Variants in KRT78 observed in about 807,000 individuals in gnomAD.
KRT78 encodes keratin, type II cytoskeletal 78.
KRT78 carries 55 observed loss-of-function variants against 51.4 expected under a neutral mutation model. The ratio of observed to expected loss-of-function variants is 1.07; its 90% CI spans 0.86 to 1.34. The LOEUF is 1.34. Ranked by LOEUF, KRT78 falls within the 40% of genes most tolerant of loss-of-function variation. KRT78 has a pLI of 0.00. For missense variants in KRT78, 652 were observed against 649.4 expected (o/e 1.00, Z -0.04); for synonymous variants, 291 against 264.3 (o/e 1.10, Z -0.98).
rs548010577 is a variant in KRT78, at chr12:52,848,836, C to T, written c.95G>A (p.Ser32Asn). The change falls in exon 1 of 9, where the codon AGC becomes AAC. Residue 32 changes from serine to asparagine, a missense_variant. Physicochemically the swap from Ser to Asn is conservative, Grantham distance 46. Transcript: ENST00000304620. Reference protein sequence around the residue: ...SRGRSRGGFSSRGGFSSRSLN... With the variant: ...SRGRSRGGFSNRGGFSSRSLN... Reference sequence around the variant, plus strand: ...GCTCCTGCTGCTGAAGCCGCCCCTGCTGCTGAAGCCTCCCCTGCTGCGGCC... The same window carrying T: ...GCTCCTGCTGCTGAAGCCGCCCCTGTTGCTGAAGCCTCCCCTGCTGCGGCC... The T allele has an allele frequency of 6.2e-7, 1 of 1,613,526 alleles. No individual in the cohort carries two copies. The highest frequency in any genetic ancestry group is 1.3e-5 in the African/African-American group (1 of 75,036).
intron 8 of KRT78, 30 bp downstream of exon 8, chr12:52,839,423 A>T: frequency 6.2e-7 from 1 of 1,610,726 alleles, no homozygotes; most frequent in Non-Finnish European, 8.5e-7. Context: ...CCCCATGGGG[A>T]TCCCATCCCT....
chr12:52,839,849 C>T lies in KRT78; in HGVS notation c.1183G>A (p.Glu395Lys), dbSNP rs772065929. Residue 395 changes from glutamate to lysine, a missense_variant, in exon 7 of 9, where the codon GAG (glutamate) becomes AAG (lysine). Transcript: ENST00000304620. ...TTCGTGCTCGTCAGCTCCTGGTACT[C>T]GCACAGCAGCCGGGCCAGGTTCTGC... is the stretch of plus-strand genomic sequence containing the variant. Reference protein sequence around the residue: ...AKQNLARLLCEYQELTSTKLS... With the variant: ...AKQNLARLLCKYQELTSTKLS... 22 of 1,613,930 alleles carry T rather than the reference C, an allele frequency of 1.4e-5. No homozygotes were observed. The highest frequency in any genetic ancestry group is 1.3e-4 in the Admixed American group (8 of 59,974).
In KRT78 at chr12:52,844,666, T is replaced by C; in HGVS notation, c.814A>G (p.Asn272Asp). The C allele has an allele frequency of 6.2e-7, 1 of 1,614,080 alleles. No homozygotes were observed. The highest frequency in any genetic ancestry group is 1.1e-5 in the South Asian group (1 of 91,068). Residue 272 changes from asparagine to aspartate, a missense_variant, in exon 5 of 9, where the codon AAC (asparagine) becomes GAC (aspartate). By Grantham distance (23) the Asn-to-Asp change is conservative (BLOSUM62 1). Transcript: ENST00000304620. ...CTGCTGAAGTCCAGGTAGCGGTTGT[T>C]GTCCATGGACAGCACCACAGACGTG... is the stretch of plus-strand genomic sequence containing the variant. Reference protein sequence around the residue: ...SDTSVVLSMDNNRYLDFSSII... With the variant: ...SDTSVVLSMDDNRYLDFSSII...
rs750724550 is a variant in KRT78 at position 52,848,627 on chromosome 12, G to C, written c.304C>G (p.Pro102Ala). The C allele has an allele frequency of 6.2e-7, 1 of 1,614,036 alleles. No homozygotes were observed. The highest frequency in any genetic ancestry group is 8.5e-7 in the Non-Finnish European group (1 of 1,179,982). Residue 102 changes from proline (P) to alanine (A), a missense_variant, in exon 1 of 9, where the codon CCC becomes GCC. By Grantham distance (27) the Pro-to-Ala change is conservative. Transcript: ENST00000304620. ...TGCGTCCGCACCACCTGGAACTGGGGATCGATCTCAATCTTCAGTGGGGTC... is the reference window on the plus strand; with the variant it reads ...TGCGTCCGCACCACCTGGAACTGGGCATCGATCTCAATCTTCAGTGGGGTC... The part of the protein sequence containing the change: ...LLTPLKIEID[P>A]QFQVVRTQET...
intron 5 of KRT78, 81 bp from the exon 6 acceptor site, chr12:52,844,299 C>G (rs1355920536): frequency 6.8e-7 from 1 of 1,476,154 alleles, no homozygotes; most frequent in Non-Finnish European, 9.1e-7. Context: ...AAAGCCACCT[C>G]TCACTCCTTA....
chr12:52,844,998 C>T (rs1037754571), intron 4 of KRT78, among the ~76,000 whole-genome samples: 6 of 151,538 alleles, frequency 4.0e-5, no homozygotes, highest in Non-Finnish European at 8.8e-5. Flanking sequence ...ACTCCTCAGG[C>T]CTCTTTTTTT....
chr12:52,848,173 A>T, intron 1 of KRT78, 52 bp from the exon 2 acceptor site: 1 of 1,591,718 alleles, frequency 6.3e-7, no homozygotes, highest in Middle Eastern at 1.7e-4. Flanking sequence ...CCCTGTGCAC[A>T]GCCTCTGGAA....
At chr12:52,847,123 A>C (rs1565701360) in intron 2 of KRT78, among the ~76,000 whole-genome samples, 1 of 152,170 alleles carries the variant, frequency 6.6e-6, no homozygotes, top group African/African-American at 2.4e-5. Flanking sequence ...GGGTTTTATC[A>C]GAGAGATTAG....
In KRT78 at chr12:52,839,091, AAGG is replaced by A; in HGVS notation, c.*19_*21del. ...GGGGAGTGGGCCAAATGTGTTCAGG[AAGG>A]AGGTGGCTGCTGGGTCGCTCAGTAG... On this transcript the variant is annotated 3_prime_UTR_variant, in exon 9 of 9. Coordinates refer to ENST00000304620, the MANE Select transcript of KRT78 (RefSeq NM_173352.4). 3 of 1,605,886 alleles carry A rather than the reference AAGG, an allele frequency of 1.9e-6. No individual in the cohort carries two copies. The highest frequency in any genetic ancestry group is 2.5e-6 in the Non-Finnish European group (3 of 1,177,124).
rs745807524 is a variant in KRT78 at position 52,838,857 on chromosome 12, G to T, written c.*256C>A. 3.7e-6 allele frequency: 2 copies of T among 546,694 alleles called. No homozygotes were observed. The highest frequency in any genetic ancestry group is 6.6e-6 in the Non-Finnish European group (2 of 304,986). The allele number at this position is 546,694 out of a possible 1,614,324, so 33.9% of individuals were successfully genotyped here. The stretch of plus-strand genomic sequence containing the variant: ...GTGGAGTGAGATACCAATAGAACAC[G>T]TCTGGACACAGATATGCCACAATTG... On this transcript the variant is annotated 3_prime_UTR_variant, in exon 9 of 9. Transcript: ENST00000304620.
In KRT78 at chr12:52,838,902, T is replaced by A; in HGVS notation, c.*211A>T. 1 of 608,716 alleles carries A rather than the reference T, an allele frequency of 1.6e-6. No individual in the cohort carries two copies. The highest frequency in any genetic ancestry group is 2.9e-6 in the Non-Finnish European group (1 of 348,478). 37.7% of individuals were successfully genotyped at this position (608,716 alleles called of 1,614,324 possible). On this transcript the variant is annotated 3_prime_UTR_variant, in exon 9 of 9. Coordinates refer to ENST00000304620, the MANE Select transcript of KRT78 (RefSeq NM_173352.4). ...CAATTGCCTTCCGAGGAGAGGAAGC[T>A]GGGGAGCCACACAGCTTTTGTTTTG...
chr12:52,842,935 GAA>G (rs1491404866), intron 6 of KRT78, among the ~76,000 whole-genome samples: 8 of 113,016 alleles, frequency 7.1e-5, no homozygotes, highest in South Asian at 2.7e-4. Context: ...AGGAAAGAAA[GAA>G]AGAGAGAGAG....
Position 52,846,296 on chromosome 12 carries a change from G to C in KRT78, c.661-4C>G. ...TCAGGAAAACCCCATCCACATCCTG[G>C]AGACAAGGGGAGAGAGAACACGTAA... On this transcript the variant is annotated splice_polypyrimidine_tract_variant and splice_region_variant and intron_variant, in intron 3 of 8. Transcript: ENST00000304620. 1 of 1,580,958 alleles carries C rather than the reference G, an allele frequency of 6.3e-7. No homozygotes were observed. Among genetic ancestry groups the C allele is most frequent in the Non-Finnish European group, 8.7e-7 (1 of 1,150,136 alleles).
chr12:52,839,738 C>T (rs1008303057), intron 7 of KRT78, 26 bp downstream of exon 7: 3 of 1,603,204 alleles, frequency 1.9e-6, no homozygotes, highest in African/African-American at 2.7e-5. Flanking sequence ...AACTCATATT[C>T]CCAGGTCCCT....
At chr12:52,842,618 G>T (rs1467892481) in intron 6 of KRT78, among the ~76,000 whole-genome samples, 1 of 152,032 alleles carries the variant, frequency 6.6e-6, no homozygotes, top group South Asian at 2.1e-4. Context: ...CAAAAGAAGA[G>T]ATAAGAAAAG....
In KRT78 at chr12:52,839,417, A is replaced by G. The variant is rs776865819; in HGVS notation, c.1303+36T>C. ...GTCAGAGCAGGGTCATCAGCTCCCC[A>G]TGGGGATCCCATCCCTAAAGTCCCC... On this transcript the variant is annotated intron_variant, in intron 8 of 8. Coordinates refer to ENST00000304620, the MANE Select transcript of KRT78 (RefSeq NM_173352.4). 1.8e-5 allele frequency: 29 copies of G among 1,611,352 alleles called. No homozygotes were observed. The African/African-American group carries it at 3.6e-4, about 20-fold the overall frequency.
At chr12:52,842,959 GAGGA>G (rs1191289534) in intron 6 of KRT78, among the ~76,000 whole-genome samples, 10,017 of 53,090 alleles carry the variant, frequency 0.19, 1,813 homozygotes, top group Non-Finnish European at 0.22. Flanking sequence ...GAGAGAGAGA[GAGGA>G]AGGAAGGAAG....
intron 6 of KRT78, 57 bp downstream of exon 6, chr12:52,844,036 A>C (rs1259310248): frequency 1.3e-6 from 2 of 1,596,100 alleles, no homozygotes; most frequent in Non-Finnish European, 1.7e-6. Flanking sequence ...GGAACTGGGA[A>C]GTGAGTTGAA....
chr12:52,844,502 T>G, intron 5 of KRT78, 57 bp downstream of exon 5: 1 of 1,561,576 alleles, frequency 6.4e-7, no homozygotes, highest in East Asian at 2.3e-5. Context: ...CACCCTAGAG[T>G]TTGGGCATGG....
Sources: allele counts gnomAD v4.1 joint callset (sites outside exome capture counted in the v4.1 genomes callset), GRCh38; gene constraint gnomAD v4.1.1; transcripts MANE v1.5; gene names NCBI Gene and HGNC (gene_info 2026-07-23, HGNC 2026-07-21).